RRAS2: variants seen among roughly 807,000 people sequenced by gnomAD.
RRAS2 encodes RAS related 2, also known as ras-related protein R-Ras2.
A neutral mutation model predicts 27.6 loss-of-function variants in RRAS2; 7 were observed. The ratio of observed to expected loss-of-function variants is 0.25; its 90% CI spans 0.14 to 0.48. The LOEUF (loss-of-function observed/expected upper bound fraction) is 0.48, where lower values mean the gene tolerates loss of function less well. Ranked by LOEUF, RRAS2 falls within the 20% of genes least tolerant of loss-of-function variation. The pLI is 0.99. For synonymous variants in RRAS2, 86 were observed against 90.9 expected (o/e 0.95, Z 0.31); for missense variants, 178 against 256.2 (o/e 0.69, Z 2.08).
At chr11:14,341,806 T>C (rs1554953313) in intron 1 of RRAS2, 2 of 454,798 alleles carry the variant, frequency 4.4e-6, no homozygotes, top group Non-Finnish European at 8.8e-6. Flanking sequence ...ATACGCATAC[T>C]CACCTCCCGA....
At position 14,358,839 on chromosome 11, in the gene RRAS2, C is replaced by T; in HGVS notation, c.32G>A (p.Gly11Asp). The T allele has an allele frequency of 6.7e-7, 1 of 1,484,200 alleles. No homozygotes were observed. Among genetic ancestry groups the T allele is most frequent in the Non-Finnish European group, 9.0e-7 (1 of 1,110,644 alleles). The allele number at this position is 1,484,200 out of a possible 1,614,324, so 91.9% of individuals were successfully genotyped here. A position where few individuals can be genotyped will look rare whatever the true frequency, so the allele number is the denominator to read the frequency against. Residue 11 changes from glycine (G) to aspartate (D), a missense_variant, in exon 1 of 6, where the codon GGC becomes GAC. Gly to Asp is a moderately conservative substitution (Grantham distance 94). Transcript: ENST00000256196. This position sits in a 1 kb window ranked among gnomAD's most constrained non-coding sequence, Gnocchi z 5.1. ...CACCACGAGCCGGTACTTCTCCTGGCCGGAGCCGTCCCGCCAGCCGGCCGC... is the reference window on the plus strand; with the variant it reads ...CACCACGAGCCGGTACTTCTCCTGGTCGGAGCCGTCCCGCCAGCCGGCCGC... Reference protein sequence around the residue: MAAAGWRDGSGQEKYRLVVVG... With the variant: MAAAGWRDGSDQEKYRLVVVG...
Position 14,358,139 on chromosome 11 carries a change from TA to T in RRAS2, c.108+623del. On this transcript the variant is annotated intron_variant, in intron 1 of 5. Transcript: ENST00000256196. The surrounding 1 kb of genome is among the most constrained non-coding windows in gnomAD (Gnocchi z 5.1). Reference sequence around the variant, plus strand: ...GTCTCACCCCATCAGAGAACATTTTTAACTTCCTAGAAGCCACCATTTCCCC... The same window carrying T: ...GTCTCACCCCATCAGAGAACATTTTTACTTCCTAGAAGCCACCATTTCCCC... 1.2e-6 allele frequency: 1 copy of T among 830,284 alleles called. No homozygotes were observed. Among genetic ancestry groups the T allele is most frequent in the Non-Finnish European group, 1.5e-6 (1 of 688,622 alleles). 51.4% of individuals were successfully genotyped at this position (830,284 alleles called of 1,614,324 possible). A position where few individuals can be genotyped will look rare whatever the true frequency, so the allele number is the denominator to read the frequency against.
At chr11:14,331,402 T>C (rs1191160656) in intron 1 of RRAS2, among the ~76,000 whole-genome samples, 2 of 152,076 alleles carry the variant, frequency 1.3e-5, no homozygotes, top group Non-Finnish European at 2.9e-5. Context: ...AAAATTACAT[T>C]GCAAATAACA....
At chr11:14,300,615 T>G (rs1554947250) in intron 1 of RRAS2, among the ~76,000 whole-genome samples, 1 of 152,036 alleles carries the variant, frequency 6.6e-6, no homozygotes, top group African/African-American at 2.4e-5. Flanking sequence ...CTGGGTAAGT[T>G]TGTCAGAAGC....
In RRAS2 at chr11:14,349,589, C is replaced by T. The variant is rs552190453; in HGVS notation, c.108+9174G>A. ...CCCTTCTCCAACAGTGAGAAACTGG[C>T]TCCCATTTTCCACAATATATTTACT... On this transcript the variant is annotated intron_variant, in intron 1 of 5. Transcript: ENST00000256196. Among the ~76,000 whole-genome samples the T allele has an allele frequency of 9.5e-4, 145 of 152,276 alleles. 1 individual carries two copies. The highest frequency in any genetic ancestry group is 3.4e-3 in the African/African-American group (142 of 41,556).
intron 1 of RRAS2, among the ~76,000 whole-genome samples, chr11:14,320,996 C>T (rs1554950208): frequency 6.6e-6 from 1 of 152,114 alleles, no homozygotes; most frequent in Non-Finnish European, 1.5e-5. Context: ...GCCTGGCCAA[C>T]ATGGTAAACC....
rs535048364 is a variant in RRAS2 at position 14,329,030 on chromosome 11, C to T, written c.108+29733G>A. On this transcript the variant is annotated intron_variant, in intron 1 of 5. Coordinates refer to ENST00000256196, the MANE Select transcript of RRAS2 (RefSeq NM_012250.6). The stretch of plus-strand genomic sequence containing the variant: ...GTGTGTGTATATATATATATATATA[C>T]ACACACACATATATATGTATATACA... Among the ~76,000 whole-genome samples the T allele has an allele frequency of 3.2e-3, 441 of 136,552 alleles. 1 individual carries two copies. Among genetic ancestry groups the T allele is most frequent in the African/African-American group, 9.9e-3 (352 of 35,446 alleles). 89.6% of individuals were successfully genotyped at this position (136,552 alleles called of 152,430 possible).
intron 1 of RRAS2, among the ~76,000 whole-genome samples, chr11:14,333,932 G>A (rs1403771057): frequency 3.3e-5 from 5 of 152,108 alleles, no homozygotes; most frequent in East Asian, 3.9e-4. Flanking sequence ...ACACAGCCCC[G>A]CCCTTACTTT....
intron 1 of RRAS2, among the ~76,000 whole-genome samples, chr11:14,350,928 A>G (rs1437529319): frequency 1.3e-5 from 2 of 152,200 alleles, no homozygotes; most frequent in African/African-American, 2.4e-5. Flanking sequence ...GCTCCATTGG[A>G]TATTCCTACC....
At chr11:14,287,813 A>T (rs1849705169) in intron 4 of RRAS2, among the ~76,000 whole-genome samples, 1 of 150,394 alleles carries the variant, frequency 6.6e-6, no homozygotes. Context: ...TGGAGGTTGC[A>T]CTGAGCCAAG....
In RRAS2 at chr11:14,319,345, CTTTTT is replaced by C. The variant is rs1156654694; in HGVS notation, c.109-23495_109-23491del. ...TATTAACTATTCAGGTTCCCTCTGT[CTTTTT>C]TTTTTTTTTTTTTTTTTTTGAGACG... On this transcript the variant is annotated intron_variant, in intron 1 of 5. Transcript: ENST00000256196. Among the ~76,000 whole-genome samples, 17 of 91,530 alleles carry C rather than the reference CTTTTT, an allele frequency of 1.9e-4. 1 individual carries two copies. The highest frequency in any genetic ancestry group is 8.5e-4 in the South Asian group (2 of 2,342). 60.0% of individuals were successfully genotyped at this position (91,530 alleles called of 152,430 possible). A position where few individuals can be genotyped will look rare whatever the true frequency, so the allele number is the denominator to read the frequency against.
intron 1 of RRAS2, chr11:14,341,814 C>T (rs1241676132): frequency 4.4e-6 from 2 of 454,700 alleles, no homozygotes; most frequent in East Asian, 1.4e-4. Context: ...ACTCACCTCC[C>T]GACTTAGGAA....
rs781902160 is a variant in RRAS2, at chr11:14,358,842, G to A, written c.29C>T (p.Ser10Phe). The A allele has an allele frequency of 1.3e-6, 2 of 1,482,756 alleles. No homozygotes were observed. The highest frequency in any genetic ancestry group is 1.2e-5 in the South Asian group (1 of 81,948). The allele number at this position is 1,482,756 out of a possible 1,614,324, so 91.8% of individuals were successfully genotyped here. A position where few individuals can be genotyped will look rare whatever the true frequency, so the allele number is the denominator to read the frequency against. Reference protein sequence around the residue: MAAAGWRDGSGQEKYRLVVV... With the variant: MAAAGWRDGFGQEKYRLVVV... The stretch of plus-strand genomic sequence containing the variant: ...CACGAGCCGGTACTTCTCCTGGCCG[G>A]AGCCGTCCCGCCAGCCGGCCGCGGC... Residue 10 changes from serine (S) to phenylalanine (F), a missense_variant, in exon 1 of 6, where the codon TCC (serine) becomes TTC (phenylalanine). Coordinates refer to ENST00000256196, the MANE Select transcript of RRAS2 (RefSeq NM_012250.6). The surrounding 1 kb of genome is among the most constrained non-coding windows in gnomAD (Gnocchi z 5.1).
Position 14,298,589 on chromosome 11 carries a change from T to C in RRAS2, c.109-2734A>G, listed in dbSNP as rs549651031. 1.4e-4 allele frequency among the ~76,000 whole-genome samples: 21 copies of C among 152,350 alleles called. 1 individual carries two copies. In the South Asian group the frequency reaches 4.4e-3, roughly 32 times the overall value. ...CTACATGCATTTATTTCCACTCATA[T>C]TAATTTTTAAGACAAATTCATTGTT... On this transcript the variant is annotated intron_variant, in intron 1 of 5. Transcript: ENST00000256196.
chr11:14,355,676 T>C (rs1033973244), intron 1 of RRAS2, among the ~76,000 whole-genome samples: 1 of 152,334 alleles, frequency 6.6e-6, no homozygotes, highest in East Asian at 1.9e-4. Context: ...TTCCCAATTT[T>C]ATATTTTTTT....
intron 1 of RRAS2, chr11:14,336,854 G>C (rs1239126502): frequency 6.6e-6 from 1 of 152,140 alleles, no homozygotes; most frequent in African/African-American, 2.4e-5. Flanking sequence ...CCCAAATGTG[G>C]TAAGACATAA....
intron 1 of RRAS2, among the ~76,000 whole-genome samples, chr11:14,349,631 T>A (rs1848910279): frequency 6.6e-6 from 1 of 152,126 alleles, no homozygotes; most frequent in Non-Finnish European, 1.5e-5. Flanking sequence ...CTTATAACAG[T>A]ATAGACAATT....
At chr11:14,303,889 G>T (rs1196730926) in intron 1 of RRAS2, among the ~76,000 whole-genome samples, 1 of 152,092 alleles carries the variant, frequency 6.6e-6, no homozygotes, top group Non-Finnish European at 1.5e-5. Flanking sequence ...ACTTTTTCAT[G>T]AGGGCCCTCC....
rs528244804 is a variant in RRAS2 at position 14,330,652 on chromosome 11, T to C, written c.108+28111A>G. On this transcript the variant is annotated intron_variant, in intron 1 of 5. Transcript: ENST00000256196. Reference sequence around the variant, plus strand: ...GCATTATGATGACATGTAGTTAACATTAAAAAAAATTTTTTTTTCAGATGA... The same window carrying C: ...GCATTATGATGACATGTAGTTAACACTAAAAAAAATTTTTTTTTCAGATGA... Among the ~76,000 whole-genome samples the C allele has an allele frequency of 7.3e-4, 98 of 134,986 alleles. 1 individual carries two copies. The highest frequency in any genetic ancestry group is 2.2e-3 in the African/African-American group (90 of 40,548). The allele number at this position is 134,986 out of a possible 152,430, so 88.6% of individuals were successfully genotyped here.
Sources: gnomAD v4.1 joint callset for allele counts (sites outside exome capture counted in the v4.1 genomes callset) on GRCh38, gnomAD v4.1.1 for gene constraint, Gnocchi (gnomAD v3.1) non-coding constraint, MANE v1.5 for transcripts, NCBI Gene and HGNC (gene_info 2026-07-23, HGNC 2026-07-21) for gene names.